The following TVP23C variants were observed in gnomAD, a reference collection of about 807,000 sequenced individuals.
TVP23C encodes trans-golgi network vesicle protein 23 homolog C.
Under a neutral mutation model 28.7 loss-of-function variants are expected in TVP23C, and 19 were observed. The observed-to-expected ratio is 0.66, with a 90% CI of 0.46 to 0.97. TVP23C has a LOEUF of 0.97. TVP23C is among the 50% of genes least tolerant of loss of function. The pLI, the probability that TVP23C is intolerant of heterozygous loss-of-function variation, is 0.00. For missense variants in TVP23C, 186 were observed against 241.3 expected, an observed-to-expected ratio of 0.77 and a Z score of 1.52; for synonymous variants, 68 against 81.7, an observed-to-expected ratio of 0.83 and a Z score of 0.90.
At chr17:15,532,859 C>T (rs940028804), downstream of TVP23C, among the ~76,000 whole-genome samples, 1 of 152,174 alleles carries the variant, frequency 6.6e-6, no homozygotes, top group African/African-American at 2.4e-5. Context: ...CTAGACATTA[C>T]CAACCATGAT....
chr17:15,558,567 G>C (rs921039987), intron 1 of TVP23C, among the ~76,000 whole-genome samples: 5 of 148,490 alleles, frequency 3.4e-5, no homozygotes, highest in African/African-American at 1.2e-4. Context: ...GTCCTTACAA[G>C]GGAAACAAAG....
At chr17:15,555,565 C>G (rs975761756) in intron 1 of TVP23C, among the ~76,000 whole-genome samples, 1 of 152,188 alleles carries the variant, frequency 6.6e-6, no homozygotes, top group African/African-American at 2.4e-5. Context: ...AGAGAATAAT[C>G]GAAGTCTCAG....
intron 5 of TVP23C, among the ~76,000 whole-genome samples, chr17:15,529,843 C>G (rs546750462): frequency 6.6e-6 from 1 of 152,002 alleles, no homozygotes; most frequent in Admixed American, 6.6e-5. Flanking sequence ...CTGTCACCCA[C>G]GCTGGAGTCC....
chr17:15,521,763 A>C (rs1446084953), intron 5 of TVP23C, among the ~76,000 whole-genome samples: 2 of 152,230 alleles, frequency 1.3e-5, no homozygotes, highest in African/African-American at 4.8e-5. Flanking sequence ...CTGTGCAGCA[A>C]ACAACTTCCA....
intron 3 of TVP23C, among the ~76,000 whole-genome samples, chr17:15,547,972 AAAAAT>A: frequency 6.6e-6 from 1 of 152,308 alleles, no homozygotes; most frequent in African/African-American, 2.4e-5. Context: ...ATGGGTAAAA[AAAAAT>A]GTTACCTTCA....
At chr17:15,545,072 A>G (rs1983584341) in intron 5 of TVP23C, among the ~76,000 whole-genome samples, 1 of 152,210 alleles carries the variant, frequency 6.6e-6, no homozygotes, top group African/African-American at 2.4e-5. Flanking sequence ...AGCAGCAACA[A>G]TATCTCCTCT....
chr17:15,526,905 T>C (rs1478272403), intron 5 of TVP23C, among the ~76,000 whole-genome samples: 1 of 152,230 alleles, frequency 6.6e-6, no homozygotes, highest in Non-Finnish European at 1.5e-5. Context: ...TATAGTAAGT[T>C]ACCGGCTCAT....
intron 5 of TVP23C, among the ~76,000 whole-genome samples, chr17:15,543,327 CTG>C (rs1422080520): frequency 4.6e-5 from 7 of 150,872 alleles, no homozygotes; most frequent in African/African-American, 1.7e-4. Flanking sequence ...CTGGACAGGA[CTG>C]TCACTGTAAG....
At chr17:15,517,706 G>A (rs1326436573) in intron 5 of TVP23C, among the ~76,000 whole-genome samples, 1 of 152,170 alleles carries the variant, frequency 6.6e-6, no homozygotes, top group Non-Finnish European at 1.5e-5. Context: ...TGAGGTGGAT[G>A]TTGCCATCCC....
chr17:15,557,675 C>T (rs1376420329), intron 1 of TVP23C, among the ~76,000 whole-genome samples: 1 of 141,262 alleles, frequency 7.1e-6, no homozygotes, highest in Non-Finnish European at 1.6e-5. Flanking sequence ...TTGTTGAAGG[C>T]ATGAGTAAAT....
At chr17:15,560,801 G>C (rs1265228792) in intron 1 of TVP23C, among the ~76,000 whole-genome samples, 2 of 148,884 alleles carry the variant, frequency 1.3e-5, no homozygotes, top group Non-Finnish European at 3.0e-5. Flanking sequence ...TGATCCACCC[G>C]CCTCGGCCTC....
At chr17:15,543,408 A>C (rs56083553) in intron 5 of TVP23C, among the ~76,000 whole-genome samples, 123,995 of 143,138 alleles carry the variant, frequency 0.87, 53,669 homozygotes, top group African/African-American at 0.91. Flanking sequence ...AAGAAAAAAG[A>C]AGCATAGTAT....
intron 4 of TVP23C, among the ~76,000 whole-genome samples, chr17:15,546,663 C>T (rs1252110479): frequency 2.7e-5 from 4 of 147,944 alleles, no homozygotes; most frequent in African/African-American, 5.0e-5. Flanking sequence ...ACTCCTCCTC[C>T]TTTTTCCTGC....
At chr17:15,563,410 C>T (rs1365239188) in intron 1 of TVP23C, 27 bp downstream of exon 1, 1 of 1,587,072 alleles carries the variant, frequency 6.3e-7, no homozygotes, top group Non-Finnish European at 8.6e-7. Flanking sequence ...GAGCCGCCAC[C>T]CTCCCAGCGC....
At chr17:15,541,002 G>A (rs1395772139) in intron 5 of TVP23C, among the ~76,000 whole-genome samples, 1 of 152,232 alleles carries the variant, frequency 6.6e-6, no homozygotes, top group Non-Finnish European at 1.5e-5. Context: ...AGGTAGGGGT[G>A]AATCTCTGCT....
chr17:15,552,822 T>C (rs1983953381), intron 3 of TVP23C, among the ~76,000 whole-genome samples: 1 of 152,030 alleles, frequency 6.6e-6, no homozygotes, highest in Non-Finnish European at 1.5e-5. Context: ...TCCACTATTT[T>C]ACTATATTTT....
downstream of TVP23C, among the ~76,000 whole-genome samples, chr17:15,533,206 A>C (rs144848919): frequency 0.012 from 1,864 of 152,360 alleles, 33 homozygotes; most frequent in African/African-American, 0.042. Flanking sequence ...AGGTATCTTT[A>C]ATATCTAACT....
downstream of TVP23C, among the ~76,000 whole-genome samples, chr17:15,536,337 T>A (rs912437600): frequency 6.6e-6 from 1 of 152,224 alleles, no homozygotes; most frequent in African/African-American, 2.4e-5. Flanking sequence ...TGCTATTGTG[T>A]CTACCTTTCA....
intron 5 of TVP23C, among the ~76,000 whole-genome samples, chr17:15,510,267 C>T (rs1246468615): frequency 6.6e-6 from 1 of 152,106 alleles, no homozygotes; most frequent in Non-Finnish European, 1.5e-5. Context: ...GGGACTAAGA[C>T]TTGAGCTAAC....
Sources: allele counts gnomAD v4.1 joint callset (sites outside exome capture counted in the v4.1 genomes callset), GRCh38; gene constraint gnomAD v4.1.1; transcripts MANE v1.5; gene names NCBI Gene and HGNC (gene_info 2026-07-23, HGNC 2026-07-21).